The following DNAH11 variants were observed in gnomAD, a reference collection of about 807,000 sequenced individuals.
The protein encoded by DNAH11 is axonemal beta dynein heavy chain 11.
Under a neutral mutation model 526.0 loss-of-function variants are expected in DNAH11, and 442 were observed. The observed-to-expected ratio is 0.84, with a 90% CI of 0.78 to 0.91. The LOEUF is 0.91. Ranked by LOEUF, DNAH11 falls within the 40% of genes least tolerant of loss-of-function variation. The pLI, the probability that DNAH11 is intolerant of heterozygous loss-of-function variation, is 0.00. For missense variants in DNAH11, 6,989 were observed against 5,448.7 expected (o/e 1.28, Z -8.90); for synonymous variants, 2,461 against 1,935.9 (o/e 1.27, Z -7.12).
chr7:21,665,059 G>A (rs939369180), intron 30 of DNAH11, among the ~76,000 whole-genome samples: 29 of 151,826 alleles, frequency 1.9e-4, no homozygotes, highest in Non-Finnish European at 1.6e-4. Context: ...GTCAGGAAGG[G>A]ATCAGTCTCC....
chr7:21,735,928 C>T, intron 46 of DNAH11, 84 bp downstream of exon 46: 2 of 1,265,530 alleles, frequency 1.6e-6, no homozygotes, highest in Non-Finnish European at 1.1e-6. Context: ...CTAATAATGC[C>T]TTTCCCTAGA....
At chr7:21,692,772 G>A (rs1783686938) in intron 35 of DNAH11, among the ~76,000 whole-genome samples, 1 of 152,174 alleles carries the variant, frequency 6.6e-6, no homozygotes, top group Non-Finnish European at 1.5e-5. Flanking sequence ...GATTTTACAA[G>A]TTTACATCCT....
intron 54 of DNAH11, among the ~76,000 whole-genome samples, chr7:21,754,840 G>A (rs1266139604): frequency 1.3e-5 from 2 of 152,076 alleles, no homozygotes; most frequent in Non-Finnish European, 2.9e-5. Flanking sequence ...CAGTCTTTTA[G>A]CCTGAAAATA....
At chr7:21,733,626 C>T (rs963367092) in intron 45 of DNAH11, among the ~76,000 whole-genome samples, 4 of 152,232 alleles carry the variant, frequency 2.6e-5, no homozygotes, top group Admixed American at 6.5e-5. Context: ...CAACAGAGAA[C>T]CTATGAGGAG....
At chr7:21,717,263 T>TAATA (rs1784703089) in intron 42 of DNAH11, among the ~76,000 whole-genome samples, 1 of 152,046 alleles carries the variant, frequency 6.6e-6, no homozygotes, top group African/African-American at 2.4e-5. Flanking sequence ...AGCCACCTAT[T>TAATA]GGAAACTCGT....
rs372603233 is a variant in DNAH11, at chr7:21,884,310, G to A, written c.12407G>A (p.Arg4136His). 1.2e-4 allele frequency: 193 copies of A among 1,609,472 alleles called. No individual in the cohort carries two copies. The highest frequency in any genetic ancestry group is 3.2e-4 in the Admixed American group (19 of 59,380). The change falls in exon 76 of 82, where the codon CGT becomes CAT. Residue 4136 changes from arginine to histidine, a missense_variant. Transcript: ENST00000409508. Reference sequence around the variant, plus strand: ...CCACAGGTCCCATGGGAAGATCTCCGTTATCTCTTTGGTGAGATCATGTAT... The same window carrying A: ...CCACAGGTCCCATGGGAAGATCTCCATTATCTCTTTGGTGAGATCATGTAT... ...ANSKVPWEDL[R>H]YLFGEIMYGG...
At chr7:21,564,448 G>C in intron 6 of DNAH11, 51 bp downstream of exon 6, 1 of 1,401,154 alleles carries the variant, frequency 7.1e-7, no homozygotes, top group African/African-American at 1.4e-5. Context: ...TGTGAGGTAG[G>C]TTTTACGAGA....
chr7:21,622,048 A>G (rs1020053410), intron 25 of DNAH11, among the ~76,000 whole-genome samples: 3 of 152,158 alleles, frequency 2.0e-5, no homozygotes, highest in African/African-American at 7.2e-5. Context: ...TGCAGATGAC[A>G]TGATTGTATA....
intron 65 of DNAH11, among the ~76,000 whole-genome samples, chr7:21,839,068 G>C (rs1422667887): frequency 6.6e-6 from 1 of 152,086 alleles, no homozygotes; most frequent in African/African-American, 2.4e-5. Flanking sequence ...CTAAGGCTTT[G>C]ATTTGCATTT....
chr7:21,593,705 A>G (rs1034862761), intron 14 of DNAH11, among the ~76,000 whole-genome samples: 1 of 152,070 alleles, frequency 6.6e-6, no homozygotes, highest in Non-Finnish European at 1.5e-5. Context: ...TGATGGGAAC[A>G]TGGGGAGTTG....
chr7:21,751,897 A>G (rs566433961), intron 54 of DNAH11, among the ~76,000 whole-genome samples: 30 of 152,336 alleles, frequency 2.0e-4, no homozygotes, highest in African/African-American at 7.2e-4. Flanking sequence ...ATATACTAGG[A>G]TCAAATTTTC....
At position 21,787,475 on chromosome 7, in the gene DNAH11, T is replaced by G. The variant is rs779389497; in HGVS notation, c.9816T>G (p.Asn3272Lys). Residue 3272 changes from asparagine to lysine, a missense_variant, in exon 60 of 82, where the codon AAT becomes AAG. Coordinates refer to ENST00000409508, the MANE Select transcript of DNAH11 (RefSeq NM_001277115.2). Reference protein sequence around the residue: ...HIPENCLKVVNEHYLKDPEFN... With the variant: ...HIPENCLKVVKEHYLKDPEFN... ...CAGAGAACTGTCTAAAAGTGGTGAATGAACACTATTTGAAAGACCCAGAGT... is the reference window on the plus strand; with the variant it reads ...CAGAGAACTGTCTAAAAGTGGTGAAGGAACACTATTTGAAAGACCCAGAGT... 1.9e-6 allele frequency: 3 copies of G among 1,613,848 alleles called. No individual in the cohort carries two copies. The highest frequency in any genetic ancestry group is 3.3e-5 in the Admixed American group (2 of 60,014).
chr7:21,893,067 A>T (rs1234142069), intron 77 of DNAH11, among the ~76,000 whole-genome samples: 2 of 152,218 alleles, frequency 1.3e-5, no homozygotes, highest in Non-Finnish European at 2.9e-5. Context: ...TCTTCATTGT[A>T]CTGTGAATGG....
intron 6 of DNAH11, among the ~76,000 whole-genome samples, chr7:21,568,504 C>T (rs547367388): frequency 8.5e-5 from 13 of 152,240 alleles, no homozygotes; most frequent in African/African-American, 2.4e-4. Context: ...GCCCCTGCGT[C>T]GGGTCATGCT....
At chr7:21,862,314 C>T (rs190118393) in intron 69 of DNAH11, among the ~76,000 whole-genome samples, 37 of 152,100 alleles carry the variant, frequency 2.4e-4, no homozygotes, top group Admixed American at 4.6e-4. Flanking sequence ...TTCTTCTCAC[C>T]TTCTCGGGTC....
At position 21,842,600 on chromosome 7, in the gene DNAH11, T is replaced by C. The variant is rs1238887554; in HGVS notation, c.10748T>C (p.Leu3583Pro). ...TTTAACAAGAACTTTCGCCTTATCC[T>C]TCACACAAAATTGGCAAATCCTCAC... ...CEFNKNFRLI[L>P]HTKLANPHYK... The change falls in exon 66 of 82, where the codon CTT becomes CCT. Residue 3583 changes from leucine (L) to proline (P), a missense_variant. By Grantham distance (98) the Leu-to-Pro change is moderately conservative (BLOSUM62 -3). Coordinates refer to ENST00000409508, the MANE Select transcript of DNAH11 (RefSeq NM_001277115.2). 8.1e-6 allele frequency: 13 copies of C among 1,613,832 alleles called. No homozygotes were observed.
intron 6 of DNAH11, among the ~76,000 whole-genome samples, chr7:21,564,914 TA>T (rs1783601222): frequency 5.9e-5 from 9 of 152,034 alleles, no homozygotes; most frequent in African/African-American, 2.2e-4. Context: ...AAAAAAAATT[TA>T]AAAAAAGGAC....
rs759768772 is a variant in DNAH11 at position 21,749,806 on chromosome 7, T to C, written c.8797+5T>C. The C allele has an allele frequency of 6.2e-7, 1 of 1,613,740 alleles. No homozygotes were observed. Among genetic ancestry groups the C allele is most frequent in the Non-Finnish European group, 8.5e-7 (1 of 1,179,762 alleles). On this transcript the variant is annotated splice_donor_5th_base_variant and intron_variant, in intron 53 of 81. Coordinates refer to ENST00000409508, the MANE Select transcript of DNAH11 (RefSeq NM_001277115.2). ...TTAATGACTTGCTGGCATCAGGTGA[T>C]TAAACCAACACATTTCTTGAAAGAT...
Position 21,801,031 on chromosome 7 carries a change from G to A in DNAH11, c.10027-106G>A, listed in dbSNP as rs1279517364. 4.2e-6 allele frequency: 5 copies of A among 1,179,124 alleles called. No individual in the cohort carries two copies. The Admixed American group carries it at 6.8e-5, about 16-fold the overall frequency. The allele number at this position is 1,179,124 out of a possible 1,614,324, so 73.0% of individuals were successfully genotyped here. On this transcript the variant is annotated intron_variant, in intron 61 of 81. Coordinates refer to ENST00000409508, the MANE Select transcript of DNAH11 (RefSeq NM_001277115.2). ...GGTAAAGGGGCAAAGGTTAATGGGG[G>A]GAAGAGGTTTGTCCATTTACCTTAC...
Sources: allele counts gnomAD v4.1 joint callset (sites outside exome capture counted in the v4.1 genomes callset), GRCh38; gene constraint gnomAD v4.1.1; transcripts MANE v1.5; gene names NCBI Gene and HGNC (gene_info 2026-07-23, HGNC 2026-07-21).